Variants in COG5 observed in about 807,000 individuals in gnomAD.
The protein encoded by COG5 is conserved oligomeric Golgi complex subunit 5.
Under a neutral mutation model 110.4 loss-of-function variants are expected in COG5, and 86 were observed. The ratio of observed to expected loss-of-function variants is 0.78; its 90% CI spans 0.65 to 0.93. The LOEUF is 0.93. Among genes scored for constraint, COG5 ranks in the 40% least tolerant of loss-of-function variants. The pLI is 0.00. For synonymous variants in COG5, 360 were observed against 334.6 expected (o/e 1.08, Z -0.83); for missense variants, 1,077 against 987.0 (o/e 1.09, Z -1.22).
chr7:107,339,451 C>T (rs752372959), intron 10 of COG5, among the ~76,000 whole-genome samples: 5 of 152,002 alleles, frequency 3.3e-5, no homozygotes, highest in Non-Finnish European at 5.9e-5. Context: ...CCACTGAGAG[C>T]ATTCCATAGA....
chr7:107,348,663 C>G (rs573059805), intron 10 of COG5, among the ~76,000 whole-genome samples: 1 of 152,224 alleles, frequency 6.6e-6, no homozygotes, highest in African/African-American at 2.4e-5. Context: ...CAAAAACCCA[C>G]TCATTATTTG....
At chr7:107,367,961 T>C (rs1813779020) in intron 8 of COG5, among the ~76,000 whole-genome samples, 1 of 151,978 alleles carries the variant, frequency 6.6e-6, no homozygotes, top group South Asian at 2.1e-4. Flanking sequence ...GAGGTCATAT[T>C]AAAAGAACCA....
In COG5 at chr7:107,347,376, T is replaced by C. The variant is rs896246690; in HGVS notation, c.1026+14657A>G. 2.0e-5 allele frequency among the ~76,000 whole-genome samples: 3 copies of C among 152,160 alleles called. 1 individual carries two copies. The highest frequency in any genetic ancestry group is 4.1e-4 in the South Asian group (2 of 4,826). On this transcript the variant is annotated intron_variant, in intron 10 of 21. Coordinates refer to ENST00000297135, the MANE Select transcript of COG5 (RefSeq NM_006348.5). ...AGAGAGAATGAATCAGTATAAAAGT[T>C]AGACACAAAGCAAGAAGATATCACC...
At chr7:107,513,429 A>C (rs565458710) in intron 6 of COG5, among the ~76,000 whole-genome samples, 65 of 152,338 alleles carry the variant, frequency 4.3e-4, no homozygotes, top group African/African-American at 1.5e-3. Context: ...GAGAAATAGC[A>C]ACACTTTTAC....
At position 107,362,336 on chromosome 7, in the gene COG5, A is replaced by G. The variant is rs372882041; in HGVS notation, c.920T>C (p.Met307Thr). 58 of 1,612,016 alleles carry G rather than the reference A, an allele frequency of 3.6e-5. No individual in the cohort carries two copies. The African/African-American group carries it at 7.1e-4, about 20-fold the overall frequency. ...ASFWTNMEKL[M>T]DHIYAVCGQV... ...TCCACAAACAGCATAAATATGATCC[A>G]TAAGTTTCTCCATATTGGTCCAGAA... Residue 307 changes from methionine to threonine, a missense_variant, in exon 9 of 22, where the codon ATG (methionine) becomes ACG (threonine). Coordinates refer to ENST00000297135, the MANE Select transcript of COG5 (RefSeq NM_006348.5).
chr7:107,434,024 T>C (rs1402485388), intron 6 of COG5, among the ~76,000 whole-genome samples: 3 of 152,122 alleles, frequency 2.0e-5, no homozygotes. Context: ...TCTCTAAAGA[T>C]GAGAGACAGG....
At chr7:107,508,763 C>A (rs577905765) in intron 6 of COG5, among the ~76,000 whole-genome samples, 1 of 152,168 alleles carries the variant, frequency 6.6e-6, no homozygotes, top group African/African-American at 2.4e-5. Flanking sequence ...CTGCAGCCAC[C>A]GCTGCTGATA....
chr7:107,458,237 C>T (rs1376610382), intron 6 of COG5, among the ~76,000 whole-genome samples: 2 of 152,184 alleles, frequency 1.3e-5, no homozygotes, highest in African/African-American at 2.4e-5. Context: ...AAAGCTGTCA[C>T]AGTAAGTTCT....
intron 6 of COG5, among the ~76,000 whole-genome samples, chr7:107,467,909 C>A (rs1796398284): frequency 6.6e-6 from 1 of 152,006 alleles, no homozygotes; most frequent in South Asian, 2.1e-4. Flanking sequence ...ACTGTCTGTG[C>A]TCGAGCTACC....
intron 6 of COG5, among the ~76,000 whole-genome samples, chr7:107,516,200 CTTTTCA>C (rs1365352616): frequency 2.0e-5 from 3 of 152,110 alleles, no homozygotes; most frequent in Non-Finnish European, 4.4e-5. Flanking sequence ...TAATAGTATA[CTTTTCA>C]TTTTCATTTC....
rs144570850 is a variant in COG5, at chr7:107,525,249, T to C, written c.538+1988A>G. On this transcript the variant is annotated intron_variant, in intron 6 of 21. Coordinates refer to ENST00000297135, the MANE Select transcript of COG5 (RefSeq NM_006348.5). ...CTGTGCCTGTTTTTGTTTTTTTTTTTCGAAGACATGACCATTTGTATTACA... is the reference window on the plus strand; with the variant it reads ...CTGTGCCTGTTTTTGTTTTTTTTTTCCGAAGACATGACCATTTGTATTACA... 8.6e-4 allele frequency among the ~76,000 whole-genome samples: 131 copies of C among 152,044 alleles called. 1 individual carries two copies. Among genetic ancestry groups the C allele is most frequent in the East Asian group, 7.2e-3 (37 of 5,174 alleles).
At chr7:107,324,148 G>A (rs955987512) in intron 11 of COG5, among the ~76,000 whole-genome samples, 2 of 151,962 alleles carry the variant, frequency 1.3e-5, no homozygotes, top group Non-Finnish European at 1.5e-5. Context: ...CACACTCTAC[G>A]TAGGAAAAAT....
Position 107,297,443 on chromosome 7 carries a change from C to CTTTTTTTT in COG5, c.1313+691_1313+698dup, listed in dbSNP as rs71314693. Among the ~76,000 whole-genome samples, 79 of 77,980 alleles carry CTTTTTTTT rather than the reference C, an allele frequency of 1.0e-3. 2 individuals are homozygous for CTTTTTTTT. The highest frequency in any genetic ancestry group is 1.5e-3 in the Non-Finnish European group (65 of 43,488). The allele number at this position is 77,980 out of a possible 152,430, so 51.2% of individuals were successfully genotyped here. On this transcript the variant is annotated intron_variant, in intron 12 of 21. Coordinates refer to ENST00000297135, the MANE Select transcript of COG5 (RefSeq NM_006348.5). ...TACCCAAGGGATGAGTACATTCTGC[C>CTTTTTTTT]TTTTTTTTTTTTTTTTTTTTTTTGA...
chr7:107,401,362 G>T (rs929742603), intron 7 of COG5, among the ~76,000 whole-genome samples: 1 of 152,004 alleles, frequency 6.6e-6, no homozygotes, highest in South Asian at 2.1e-4. Flanking sequence ...TATTAATAAT[G>T]ATATACAATG....
At chr7:107,256,567 CAT>C (rs779890005) in intron 16 of COG5, among the ~76,000 whole-genome samples, 163 bp downstream of exon 16, 2 of 152,122 alleles carry the variant, frequency 1.3e-5, no homozygotes, top group Non-Finnish European at 2.9e-5. Context: ...TTCTAGAAAA[CAT>C]AAACACACTT....
rs1363800282 is a variant in COG5, at chr7:107,563,908, C to T, written c.-12G>A. On this transcript the variant is annotated 5_prime_UTR_variant, in exon 1 of 22. Coordinates refer to ENST00000297135, the MANE Select transcript of COG5 (RefSeq NM_006348.5). ...CCGCCACCTTCCATGTTGGCAGGTG[C>T]CGGGTTGATGTCGTCAGCAGCAGAA... 2.5e-6 allele frequency: 4 copies of T among 1,613,410 alleles called. No individual in the cohort carries two copies. The highest frequency in any genetic ancestry group is 2.7e-5 in the African/African-American group (2 of 74,942).
rs1792402630 is a variant in COG5, at chr7:107,412,737, T to C, written c.539-105A>G. ...CAAAAAAAAAAAACAAAAAACGCTA[T>C]TAAACAGGGTTGCCATTCAAAATCC... On this transcript the variant is annotated intron_variant, in intron 6 of 21. Coordinates refer to ENST00000297135, the MANE Select transcript of COG5 (RefSeq NM_006348.5). 5.6e-6 allele frequency: 4 copies of C among 718,822 alleles called. No individual in the cohort carries two copies. In the Admixed American group the frequency reaches 1.2e-4, roughly 21 times the overall value. The allele number at this position is 718,822 out of a possible 1,614,324, so 44.5% of individuals were successfully genotyped here.
At chr7:107,412,451 C>T (rs756895627) in intron 7 of COG5, 51 bp downstream of exon 7, 2 of 1,565,588 alleles carry the variant, frequency 1.3e-6, no homozygotes, top group Non-Finnish European at 8.8e-7. Context: ...CAAATGTTCA[C>T]CTGTATTATG....
intron 7 of COG5, among the ~76,000 whole-genome samples, chr7:107,395,711 C>T (rs895875793): frequency 2.4e-4 from 36 of 151,896 alleles, no homozygotes; most frequent in African/African-American, 7.0e-4. Context: ...TGTGCCACCA[C>T]GCCTGGCTAA....
Sources: gnomAD v4.1 joint callset for allele counts (sites outside exome capture counted in the v4.1 genomes callset) on GRCh38, gnomAD v4.1.1 for gene constraint, MANE v1.5 for transcripts, NCBI Gene and HGNC (gene_info 2026-07-23, HGNC 2026-07-21) for gene names.